The following TSPEAR variants were observed in gnomAD, a reference collection of about 807,000 sequenced individuals.
TSPEAR encodes the protein thrombospondin type laminin G domain and EAR repeats, also known as thrombospondin-type laminin G domain and EAR repeat-containing protein.
TSPEAR carries 69 observed loss-of-function variants against 71.6 expected under a neutral mutation model. The ratio of observed to expected loss-of-function variants is 0.96; its 90% CI spans 0.79 to 1.18. The LOEUF (loss-of-function observed/expected upper bound fraction) is 1.18. TSPEAR is among the 50% of genes most tolerant of loss of function. TSPEAR has a pLI of 0.00. For missense variants in TSPEAR, 971 were observed against 894.9 expected (o/e 1.09, Z -1.09); for synonymous variants, 402 against 387.2 (o/e 1.04, Z -0.45).
At chr21:44,681,393 C>G (rs1986580244) in intron 1 of TSPEAR, among the ~76,000 whole-genome samples, 1 of 152,182 alleles carries the variant, frequency 6.6e-6, no homozygotes, top group Non-Finnish European at 1.5e-5. Flanking sequence ...TGCAGCTGGG[C>G]CCCAGGAGCC....
At position 44,529,832 on chromosome 21, in the gene TSPEAR, C is replaced by T. The variant is rs974946580; in HGVS notation, c.756G>A (p.Lys252=). Residue 252 remains lysine, a synonymous_variant, in exon 5 of 12, where the codon AAG becomes AAA. Coordinates refer to ENST00000323084, the MANE Select transcript of TSPEAR (RefSeq NM_144991.3). ...ATTTTAGCACCTCGTTATCTTCTGG[C>T]TTCCCCGTGAGAGCCTGCAGGACCC... ...IPRVLQALTG[K]PEDNEVLKYP... is the part of the protein sequence containing the mutation. 11 of 1,613,922 alleles carry T rather than the reference C, an allele frequency of 6.8e-6. No homozygotes were observed. Among genetic ancestry groups the T allele is most frequent in the Non-Finnish European group, 9.3e-6 (11 of 1,179,978 alleles).
chr21:44,634,220 G>C (rs1983413655), intron 1 of TSPEAR, among the ~76,000 whole-genome samples: 2 of 152,210 alleles, frequency 1.3e-5, no homozygotes, highest in Non-Finnish European at 2.9e-5. Flanking sequence ...CTGCACTCCA[G>C]CCTGGGCAAC....
At chr21:44,573,977 G>A (rs1569194408) in intron 1 of TSPEAR, 3 of 1,612,166 alleles carry the variant, frequency 1.9e-6, no homozygotes, top group South Asian at 2.2e-5. Context: ...TGACCTGTGA[G>A]CCCAGCCCCT....
At chr21:44,628,226 A>G (rs28539096) in intron 1 of TSPEAR, 483,045 of 705,824 alleles carry the variant, frequency 0.68, 168,882 homozygotes, top group Middle Eastern at 0.75. Flanking sequence ...CCCCCCGGGC[A>G]GGCGAGCCCT....
At chr21:44,567,132 T>G (rs1357968059) in intron 2 of TSPEAR, among the ~76,000 whole-genome samples, 1 of 152,102 alleles carries the variant, frequency 6.6e-6, no homozygotes, top group African/African-American at 2.4e-5. Flanking sequence ...GCTCATCAAA[T>G]ACATAAAGAA....
intron 9 of TSPEAR, among the ~76,000 whole-genome samples, chr21:44,512,682 T>G (rs1360139480): frequency 1.3e-5 from 2 of 152,142 alleles, no homozygotes; most frequent in Non-Finnish European, 1.5e-5. Flanking sequence ...GCAGGGATTG[T>G]GCCCACGTTT....
At chr21:44,566,912 A>G (rs1555921802) in intron 2 of TSPEAR, among the ~76,000 whole-genome samples, 1 of 152,236 alleles carries the variant, frequency 6.6e-6, no homozygotes, top group Non-Finnish European at 1.5e-5. Context: ...CTCTTAGAAG[A>G]AAACATAAGG....
In TSPEAR at chr21:44,539,851, G is replaced by T. The variant is rs587769771; in HGVS notation, c.304-5928C>A. 14 of 1,574,686 alleles carry T rather than the reference G, an allele frequency of 8.9e-6. No homozygotes were observed. The African/African-American group carries it at 1.5e-4, about 17-fold the overall frequency. On this transcript the variant is annotated intron_variant, in intron 2 of 11. Transcript: ENST00000323084. Reference sequence around the variant, plus strand: ...ACACAGGCTTGCAGCAGACGGGCACGCAGCAGGCCTGCTGGCAGGGGGAGG... The same window carrying T: ...ACACAGGCTTGCAGCAGACGGGCACTCAGCAGGCCTGCTGGCAGGGGGAGG...
intron 2 of TSPEAR, among the ~76,000 whole-genome samples, chr21:44,563,156 A>G (rs1452311739): frequency 2.0e-5 from 3 of 152,186 alleles, no homozygotes; most frequent in Non-Finnish European, 4.4e-5. Context: ...ATGTGAATCC[A>G]CAGGAAAAAA....
intron 1 of TSPEAR, among the ~76,000 whole-genome samples, chr21:44,681,091 T>C (rs1167645088): frequency 2.6e-5 from 4 of 152,216 alleles, no homozygotes; most frequent in Non-Finnish European, 5.9e-5. Context: ...GTGTGTAAAG[T>C]ATTTCATATG....
chr21:44,686,860 C>A (rs1251559169), intron 1 of TSPEAR, among the ~76,000 whole-genome samples: 2 of 152,184 alleles, frequency 1.3e-5, no homozygotes, highest in African/African-American at 4.8e-5. Context: ...AAAAATTTCC[C>A]TGAAGCTGTT....
intron 1 of TSPEAR, among the ~76,000 whole-genome samples, chr21:44,589,933 G>A (rs75050769): frequency 0.035 from 5,386 of 152,350 alleles, 322 homozygotes; most frequent in African/African-American, 0.12. Flanking sequence ...AACCAGGGCA[G>A]GAAGAAAACA....
chr21:44,538,871 C>G (rs1287605748), intron 2 of TSPEAR: 2 of 260,958 alleles, frequency 7.7e-6, no homozygotes, highest in African/African-American at 4.4e-5. Flanking sequence ...AGGCCACTGT[C>G]CCCTGTGACT....
chr21:44,694,994 C>A (rs1463454957), intron 1 of TSPEAR, among the ~76,000 whole-genome samples: 1 of 152,144 alleles, frequency 6.6e-6, no homozygotes, highest in Admixed American at 6.5e-5. Context: ...CAAGGGGGGT[C>A]GTGCTTTGCC....
At chr21:44,662,787 A>G (rs782512172) in intron 1 of TSPEAR, among the ~76,000 whole-genome samples, 1 of 152,224 alleles carries the variant, frequency 6.6e-6, no homozygotes, top group Admixed American at 6.5e-5. Flanking sequence ...AAAGAAATTC[A>G]ATTAGACATT....
chr21:44,528,404 G>A lies in TSPEAR; in HGVS notation c.922+48C>T, dbSNP rs782651442. ...TAGCCTCCACTCCCAGTCACACTGT[G>A]CCAGAGTGGCCCTGCATGCCAACGC... On this transcript the variant is annotated intron_variant, in intron 6 of 11. Transcript: ENST00000323084. 1.9e-6 allele frequency: 3 copies of A among 1,610,884 alleles called. No homozygotes were observed. The South Asian group carries it at 3.3e-5, about 18-fold the overall frequency.
At chr21:44,697,043 CT>C in intron 1 of TSPEAR, 84 of 1,083,582 alleles carry the variant, frequency 7.8e-5, no homozygotes, top group Middle Eastern at 2.9e-4. Flanking sequence ...CACTCCCTCC[CT>C]CCTGCCCATC....
chr21:44,622,541 C>A (rs1376071621), intron 1 of TSPEAR, among the ~76,000 whole-genome samples: 1 of 152,206 alleles, frequency 6.6e-6, no homozygotes, highest in Non-Finnish European at 1.5e-5. Flanking sequence ...TCTGTCCTTG[C>A]TGCTTCTAGT....
intron 1 of TSPEAR, among the ~76,000 whole-genome samples, chr21:44,669,973 A>ACC (rs1555945582): frequency 6.6e-6 from 1 of 152,208 alleles, no homozygotes; most frequent in East Asian, 1.9e-4. Flanking sequence ...TACAGAATAC[A>ACC]CCCACAAGAA....
Sources: gnomAD v4.1 joint callset for allele counts (sites outside exome capture counted in the v4.1 genomes callset) on GRCh38, gnomAD v4.1.1 for gene constraint, MANE v1.5 for transcripts, NCBI Gene and HGNC (gene_info 2026-07-23, HGNC 2026-07-21) for gene names.